Variants in BABAM2 observed in about 807,000 individuals in gnomAD.
BABAM2 encodes BRISC and BRCA1 A complex member 2.
In BABAM2, 31 loss-of-function variants were observed where a neutral mutation model predicts 54.7. That is an observed-to-expected ratio of 0.57 (90% confidence interval 0.43 to 0.77). The LOEUF (loss-of-function observed/expected upper bound fraction) is 0.77. Ranked by LOEUF, BABAM2 falls within the 30% of genes least tolerant of loss-of-function variation. The probability of loss-of-function intolerance (pLI) is 0.00; values close to 1 mark genes in which losing one functional copy is unlikely to be tolerated. For synonymous variants in BABAM2, 167 were observed against 162.9 expected (o/e 1.03, Z -0.19); for missense variants, 364 against 455.8 (o/e 0.80, Z 1.83).
intron 10 of BABAM2, among the ~76,000 whole-genome samples, chr2:28,247,178 C>T (rs1682986409): frequency 6.6e-6 from 1 of 152,160 alleles, no homozygotes; most frequent in Non-Finnish European, 1.5e-5. Flanking sequence ...TATTCCTGTA[C>T]TCCCCCGGCT....
At chr2:28,074,917 T>C (rs147103770) in intron 6 of BABAM2, among the ~76,000 whole-genome samples, 1 of 152,336 alleles carries the variant, frequency 6.6e-6, no homozygotes, top group African/African-American at 2.4e-5. Flanking sequence ...TAAATTGATA[T>C]TTATTAAAGA....
intron 3 of BABAM2, among the ~76,000 whole-genome samples, chr2:27,976,521 C>G (rs1044608600): frequency 1.3e-5 from 2 of 152,030 alleles, no homozygotes; most frequent in African/African-American, 4.8e-5. Context: ...CTGAAGGGGC[C>G]AAGAGCAGGT....
chr2:28,026,853 T>TAG (rs1675774317), intron 5 of BABAM2, among the ~76,000 whole-genome samples: 1 of 12,778 alleles, frequency 7.8e-5, no homozygotes, highest in African/African-American at 1.9e-4. Context: ...AATATATATT[T>TAG]ATATATATAG....
chr2:27,907,738 A>C (rs1666286177), intron 2 of BABAM2, among the ~76,000 whole-genome samples: 1 of 152,120 alleles, frequency 6.6e-6, no homozygotes, highest in African/African-American at 2.4e-5. Flanking sequence ...TCTGAATGTG[A>C]CTACTTTAGG....
At chr2:27,953,289 C>T (rs994391078) in intron 3 of BABAM2, among the ~76,000 whole-genome samples, 3 of 152,056 alleles carry the variant, frequency 2.0e-5, no homozygotes, top group Non-Finnish European at 4.4e-5. Flanking sequence ...CAAGCAGATC[C>T]TCCTACCCCA....
At chr2:28,158,629 G>C (rs1363611993) in intron 7 of BABAM2, among the ~76,000 whole-genome samples, 6 of 152,228 alleles carry the variant, frequency 3.9e-5, no homozygotes, top group Admixed American at 3.3e-4. Flanking sequence ...CCATTCTGCT[G>C]TTTGTCTCTT....
chr2:27,967,814 A>G (rs945441654), intron 3 of BABAM2, among the ~76,000 whole-genome samples: 2 of 152,284 alleles, frequency 1.3e-5, no homozygotes, highest in South Asian at 4.1e-4. Flanking sequence ...TAGCAAAGAG[A>G]TTGGCGGCAT....
intron 4 of BABAM2, among the ~76,000 whole-genome samples, chr2:28,005,028 A>G (rs189268172): frequency 1.1e-4 from 16 of 152,276 alleles, no homozygotes; most frequent in Non-Finnish European, 1.9e-4. Context: ...TTTTACTTTC[A>G]ACTACTATCT....
At chr2:27,990,790 T>G (rs1672724828) in intron 4 of BABAM2, among the ~76,000 whole-genome samples, 1 of 152,050 alleles carries the variant, frequency 6.6e-6, no homozygotes, top group Non-Finnish European at 1.5e-5. Context: ...AAATGTAGTT[T>G]TAGAGAATAT....
chr2:28,181,608 C>T (rs1468966296), intron 7 of BABAM2, among the ~76,000 whole-genome samples: 3 of 151,870 alleles, frequency 2.0e-5, no homozygotes, highest in Admixed American at 2.0e-4. Context: ...GTGATAGATA[C>T]CCTAAATACC....
chr2:27,923,192 CTG>C (rs1304079762), intron 2 of BABAM2, among the ~76,000 whole-genome samples: 1 of 152,198 alleles, frequency 6.6e-6, no homozygotes, highest in Non-Finnish European at 1.5e-5. Context: ...TACTTGAAGA[CTG>C]TTCATCAGTA....
At chr2:27,953,253 T>C (rs1669865572) in intron 3 of BABAM2, among the ~76,000 whole-genome samples, 1 of 152,086 alleles carries the variant, frequency 6.6e-6, no homozygotes, top group Non-Finnish European at 1.5e-5. Flanking sequence ...CAATCATGGC[T>C]TACTGCAGCC....
chr2:28,064,079 A>G (rs895316594), intron 6 of BABAM2, among the ~76,000 whole-genome samples: 1 of 152,220 alleles, frequency 6.6e-6, no homozygotes, highest in African/African-American at 2.4e-5. Flanking sequence ...TGGGATTTCA[A>G]TGCTTCACAT....
intron 2 of BABAM2, among the ~76,000 whole-genome samples, chr2:27,900,533 T>C (rs998999217): frequency 6.6e-6 from 1 of 152,212 alleles, no homozygotes; most frequent in Admixed American, 6.5e-5. Flanking sequence ...CTCCTTAAGA[T>C]CTATCTTCGT....
chr2:28,327,654 A>C (rs1438663428), intron 11 of BABAM2, among the ~76,000 whole-genome samples: 1 of 152,140 alleles, frequency 6.6e-6, no homozygotes, highest in Non-Finnish European at 1.5e-5. Context: ...ACCAATCTAA[A>C]TATCTCAAAC....
intron 2 of BABAM2, 97 bp from the exon 3 acceptor site, chr2:27,929,735 A>G (rs1667959260): frequency 2.7e-6 from 3 of 1,100,520 alleles, no homozygotes. Context: ...TCTGTTTTGT[A>G]TAAAGATCCT....
intron 11 of BABAM2, among the ~76,000 whole-genome samples, chr2:28,335,239 G>A (rs2148343418): frequency 7.4e-6 from 1 of 136,006 alleles, no homozygotes; most frequent in South Asian, 2.4e-4. Context: ...ACGTGATCTT[G>A]GCTCACTGCA....
At chr2:28,167,881 T>C (rs1673887692) in intron 7 of BABAM2, among the ~76,000 whole-genome samples, 1 of 152,166 alleles carries the variant, frequency 6.6e-6, no homozygotes, top group Admixed American at 6.5e-5. Flanking sequence ...TTTCCTGCAC[T>C]CTCATTTAAT....
At chr2:28,101,695 G>A (rs1049946844) in intron 6 of BABAM2, among the ~76,000 whole-genome samples, 3 of 152,082 alleles carry the variant, frequency 2.0e-5, no homozygotes, top group African/African-American at 4.8e-5. Flanking sequence ...TACTGTTTGT[G>A]CATGTTTTAT....
Sources: gnomAD v4.1 joint callset for allele counts (sites outside exome capture counted in the v4.1 genomes callset) on GRCh38, gnomAD v4.1.1 for gene constraint, MANE v1.5 for transcripts, NCBI Gene and HGNC (gene_info 2026-07-23, HGNC 2026-07-21) for gene names.